The following KCNH1 variants were observed in gnomAD, a reference collection of about 807,000 sequenced individuals.
KCNH1 encodes the protein potassium voltage-gated channel subfamily H member 1, also known as voltage-gated delayed rectifier potassium channel KCNH1.
Under a neutral mutation model 69.2 loss-of-function variants are expected in KCNH1, and 27 were observed. The observed-to-expected ratio is 0.39, with a 90% CI of 0.29 to 0.54. The LOEUF (loss-of-function observed/expected upper bound fraction) is 0.54. Among genes scored for constraint, KCNH1 ranks in the 20% least tolerant of loss-of-function variants. The pLI is 0.68. For missense variants in KCNH1, 798 were observed against 1,261.6 expected (o/e 0.63, Z 5.57); for synonymous variants, 456 against 487.7 (o/e 0.93, Z 0.86).
At chr1:210,879,498 T>C (rs1686449650) in intron 7 of KCNH1, among the ~76,000 whole-genome samples, 1 of 151,882 alleles carries the variant, frequency 6.6e-6, no homozygotes, top group Non-Finnish European at 1.5e-5. Flanking sequence ...AAGCTAAAAA[T>C]GAAAAATCAC....
chr1:210,860,635 A>G, intron 7 of KCNH1: 2 of 793,952 alleles, frequency 2.5e-6, no homozygotes, highest in Admixed American at 1.7e-5. Flanking sequence ...TTCTGTTATA[A>G]TATGAAGAAG....
intron 7 of KCNH1, chr1:210,859,803 G>A (rs1356150262): frequency 4.8e-5 from 50 of 1,038,600 alleles, no homozygotes; most frequent in Non-Finnish European, 7.6e-5. Context: ...GAAGCCCCAA[G>A]AAACAGTCAA....
At chr1:211,041,901 C>T (rs1690002741) in intron 5 of KCNH1, among the ~76,000 whole-genome samples, 1 of 152,104 alleles carries the variant, frequency 6.6e-6, no homozygotes, top group Non-Finnish European at 1.5e-5. Flanking sequence ...ATTACAGATG[C>T]ATGCCAACAC....
Position 211,014,329 on chromosome 1 carries a change from C to G in KCNH1, c.1032+4454G>C, listed in dbSNP as rs902723740. Reference sequence around the variant, plus strand: ...TCTGCTTTGACATACCCGTTCTAAGCTTTAGTTCGCTCTGTTTCCAGACCT... The same window carrying G: ...TCTGCTTTGACATACCCGTTCTAAGGTTTAGTTCGCTCTGTTTCCAGACCT... On this transcript the variant is annotated intron_variant, in intron 6 of 10. Coordinates refer to ENST00000271751, the MANE Select transcript of KCNH1 (RefSeq NM_172362.3). 1.4e-4 allele frequency among the ~76,000 whole-genome samples: 22 copies of G among 152,330 alleles called. 1 individual carries two copies. In the South Asian group the frequency reaches 4.1e-3, roughly 29 times the overall value.
At chr1:210,906,341 G>T (rs1574330390) in intron 7 of KCNH1, among the ~76,000 whole-genome samples, 1 of 152,054 alleles carries the variant, frequency 6.6e-6, no homozygotes, top group Admixed American at 6.5e-5. Context: ...CCGGGGAGGG[G>T]ATGGCAAGAT....
chr1:210,708,282 T>C lies in KCNH1; in HGVS notation c.2113-24144A>G, dbSNP rs566852423. ...GGACTGAGGAATTCCACTTCTTCCA[T>C]TGAAGTGGAATCAATCTTCAATGAT... On this transcript the variant is annotated intron_variant, in intron 10 of 10. Transcript: ENST00000271751. Among the ~76,000 whole-genome samples, 142 of 152,212 alleles carry C rather than the reference T, an allele frequency of 9.3e-4. 2 individuals carry two copies. In the South Asian group the frequency reaches 0.011, roughly 12 times the overall value.
chr1:210,966,359 G>A (rs952222293), intron 6 of KCNH1, among the ~76,000 whole-genome samples: 3 of 152,104 alleles, frequency 2.0e-5, no homozygotes, highest in Non-Finnish European at 4.4e-5. Context: ...AAAAGCAATG[G>A]CAACAAAAGC....
rs574653973 is a variant in KCNH1 at position 210,762,539 on chromosome 1, A to G, written c.2112+12809T>C. Reference sequence around the variant, plus strand: ...AGCACAACCAGAAATGACAAAGACAATATCACAACCAATCCCACAGAAATA... The same window carrying G: ...AGCACAACCAGAAATGACAAAGACAGTATCACAACCAATCCCACAGAAATA... On this transcript the variant is annotated intron_variant, in intron 10 of 10. Transcript: ENST00000271751. Among the ~76,000 whole-genome samples, 50 of 152,276 alleles carry G rather than the reference A, an allele frequency of 3.3e-4. No homozygotes were observed. In the South Asian group the frequency reaches 5.4e-3, roughly 16 times the overall value.
intron 7 of KCNH1, chr1:210,859,996 C>T (rs1685940748): frequency 6.3e-7 from 1 of 1,590,666 alleles, no homozygotes; most frequent in African/African-American, 1.3e-5. Flanking sequence ...AAGGCTGCTT[C>T]CACGAATAAG....
chr1:211,124,633 A>C (rs1440017708), intron 1 of KCNH1, among the ~76,000 whole-genome samples: 1 of 151,408 alleles, frequency 6.6e-6, no homozygotes, highest in Non-Finnish European at 1.5e-5. Context: ...AAAGAAAGAG[A>C]GAGAGAGAGA....
chr1:210,927,533 G>A (rs1394368488), intron 6 of KCNH1, among the ~76,000 whole-genome samples: 1 of 151,936 alleles, frequency 6.6e-6, no homozygotes, highest in Non-Finnish European at 1.5e-5. Context: ...CCACAACCAA[G>A]CCATCACTAC....
Position 210,839,203 on chromosome 1 carries a change from T to G in KCNH1, c.1463-35037A>C, listed in dbSNP as rs1046552490. Among the ~76,000 whole-genome samples, 4 of 152,306 alleles carry G rather than the reference T, an allele frequency of 2.6e-5. No individual in the cohort carries two copies. In the South Asian group the frequency reaches 8.3e-4, roughly 32 times the overall value. On this transcript the variant is annotated intron_variant, in intron 7 of 10. Coordinates refer to ENST00000271751, the MANE Select transcript of KCNH1 (RefSeq NM_172362.3). ...GACTGGATAAAGAAAATGTGGTACA[T>G]ATACACCATGGAATACTATGCAGCC...
rs182666295 is a variant in KCNH1, at chr1:211,050,598, G to A, written c.559-31342C>T. ...TGAAATGCAACTGGGTAACAATCTC[G>A]GTTTCTTCCTATTTTGTTGAGAAAT... is the stretch of plus-strand genomic sequence containing the variant. On this transcript the variant is annotated intron_variant, in intron 5 of 10. Coordinates refer to ENST00000271751, the MANE Select transcript of KCNH1 (RefSeq NM_172362.3). 4.6e-5 allele frequency among the ~76,000 whole-genome samples: 7 copies of A among 152,070 alleles called. No individual in the cohort carries two copies. In the South Asian group the frequency reaches 1.2e-3, roughly 27 times the overall value.
chr1:211,093,085 C>T lies in KCNH1; in HGVS notation c.311-2395G>A, dbSNP rs571262847. Reference sequence around the variant, plus strand: ...CTACTCCTAGAATCTCCAGAACCCTCCCCTCCCAGCTGCAGCCCTGCAGCC... The same window carrying T: ...CTACTCCTAGAATCTCCAGAACCCTTCCCTCCCAGCTGCAGCCCTGCAGCC... On this transcript the variant is annotated intron_variant, in intron 3 of 10. Transcript: ENST00000271751. 4.6e-5 allele frequency among the ~76,000 whole-genome samples: 7 copies of T among 152,278 alleles called. No individual in the cohort carries two copies. The South Asian group carries it at 1.4e-3, about 32-fold the overall frequency.
chr1:210,877,092 A>G (rs1208514808), intron 7 of KCNH1, among the ~76,000 whole-genome samples: 1 of 150,874 alleles, frequency 6.6e-6, no homozygotes, highest in Non-Finnish European at 1.5e-5. Context: ...AAGTCACCAC[A>G]AAGCCTGAAT....
At chr1:211,011,739 AC>A (rs1689399405) in intron 6 of KCNH1, among the ~76,000 whole-genome samples, 1 of 152,058 alleles carries the variant, frequency 6.6e-6, no homozygotes, top group Non-Finnish European at 1.5e-5. Flanking sequence ...ACACGTACAC[AC>A]CCCAGGTAGG....
At chr1:210,867,893 A>G (rs1686149572) in intron 7 of KCNH1, among the ~76,000 whole-genome samples, 1 of 152,048 alleles carries the variant, frequency 6.6e-6, no homozygotes, top group South Asian at 2.1e-4. Flanking sequence ...CCTTATATAA[A>G]TAGACTAAAG....
chr1:211,022,107 G>C (rs1317621901), intron 5 of KCNH1, among the ~76,000 whole-genome samples: 1 of 151,966 alleles, frequency 6.6e-6, no homozygotes, highest in African/African-American at 2.4e-5. Context: ...AAAACAACAG[G>C]GTAGTTGCAT....
chr1:210,714,497 G>A (rs1682171648), intron 10 of KCNH1, among the ~76,000 whole-genome samples: 1 of 152,166 alleles, frequency 6.6e-6, no homozygotes, highest in South Asian at 2.1e-4. Context: ...GTCAATGGAT[G>A]GGTTGTGGAG....
Sources: gnomAD v4.1 joint callset for allele counts (sites outside exome capture counted in the v4.1 genomes callset) on GRCh38, gnomAD v4.1.1 for gene constraint, MANE v1.5 for transcripts, NCBI Gene and HGNC (gene_info 2026-07-23, HGNC 2026-07-21) for gene names.